LRRC7: variants seen among roughly 807,000 people sequenced by gnomAD.
LRRC7 encodes the protein leucine-rich repeat-containing protein 7.
In LRRC7, 23 loss-of-function variants were observed where a neutral mutation model predicts 175.7. The ratio of observed to expected loss-of-function variants is 0.13; its 90% CI spans 0.09 to 0.19. The LOEUF (loss-of-function observed/expected upper bound fraction) is 0.19. Among genes scored for constraint, LRRC7 ranks in the 10% least tolerant of loss-of-function variants. The pLI, the probability that LRRC7 is intolerant of heterozygous loss-of-function variation, is 1.00. For synonymous variants in LRRC7, 685 were observed against 680.9 expected, an observed-to-expected ratio of 1.01 and a Z score of -0.09; for missense variants, 1,354 against 1,904.7, an observed-to-expected ratio of 0.71 and a Z score of 5.38.
At chr1:69,880,778 A>C (rs1686519985) in intron 7 of LRRC7, among the ~76,000 whole-genome samples, 1 of 152,174 alleles carries the variant, frequency 6.6e-6, no homozygotes, top group African/African-American at 2.4e-5. Context: ...AAAAAGAAGA[A>C]GTTTTACAAA....
chr1:69,794,195 C>T (rs1260720187), intron 4 of LRRC7, among the ~76,000 whole-genome samples: 5 of 152,086 alleles, frequency 3.3e-5, no homozygotes, highest in Middle Eastern at 3.4e-3. Context: ...ACAGGGGACA[C>T]GGACCTCTTT....
intron 1 of LRRC7, among the ~76,000 whole-genome samples, chr1:69,604,612 G>C (rs565289885): frequency 6.6e-6 from 1 of 152,202 alleles, no homozygotes; most frequent in Non-Finnish European, 1.5e-5. Context: ...ATTGAGTTTT[G>C]ATGAAGGAAT....
chr1:69,594,651 A>G (rs1365406827), intron 1 of LRRC7, among the ~76,000 whole-genome samples: 5 of 152,118 alleles, frequency 3.3e-5, no homozygotes, highest in Admixed American at 3.3e-4. Flanking sequence ...CACTCACGCT[A>G]TTATCTTGTT....
chr1:70,045,501 G>A (rs17131157), intron 22 of LRRC7, among the ~76,000 whole-genome samples: 19,514 of 151,912 alleles, frequency 0.13, 1,723 homozygotes, highest in African/African-American at 0.24. Context: ...ATGTCCTCTC[G>A]GATGCCCAAG....
rs569494552 is a variant in LRRC7, at chr1:69,769,803, T to G, written c.303+9410T>G. Among the ~76,000 whole-genome samples, 5 of 152,190 alleles carry G rather than the reference T, an allele frequency of 3.3e-5. No homozygotes were observed. In the South Asian group the frequency reaches 6.2e-4, roughly 19 times the overall value. On this transcript the variant is annotated intron_variant, in intron 3 of 26. Transcript: ENST00000651989. ...AATAAAGACAAATATAACACTAAAA[T>G]AACAGAAAGTTCTTTTAGTTGCTTA...
intron 23 of LRRC7, among the ~76,000 whole-genome samples, chr1:70,059,365 A>AT (rs1405881926): frequency 2.2e-4 from 34 of 152,094 alleles, no homozygotes; most frequent in Admixed American, 2.2e-3. Context: ...CTTGCCTGTG[A>AT]TTTTCTCACA....
At chr1:69,594,246 C>T (rs769823665) in intron 1 of LRRC7, among the ~76,000 whole-genome samples, 14 of 152,138 alleles carry the variant, frequency 9.2e-5, no homozygotes, top group Non-Finnish European at 1.6e-4. Flanking sequence ...GTACGCCGCT[C>T]TTTATCCCCT....
At chr1:69,608,870 A>C (rs921833272) in intron 1 of LRRC7, among the ~76,000 whole-genome samples, 20 of 37,774 alleles carry the variant, frequency 5.3e-4, no homozygotes, top group African/African-American at 2.7e-3. Flanking sequence ...CTCTCTCTAT[A>C]TATATATATA....
chr1:69,748,491 A>T (rs928447859), intron 2 of LRRC7, among the ~76,000 whole-genome samples: 1 of 152,176 alleles, frequency 6.6e-6, no homozygotes, highest in Non-Finnish European at 1.5e-5. Flanking sequence ...AATGCTTCAC[A>T]TAAAGTGGAA....
intron 8 of LRRC7, among the ~76,000 whole-genome samples, chr1:69,968,083 A>T (rs1189447501): frequency 6.6e-6 from 1 of 152,128 alleles, no homozygotes; most frequent in Admixed American, 6.5e-5. Flanking sequence ...AGAAATATTC[A>T]ATGAAATAGA....
chr1:69,698,120 T>C (rs1662851686), intron 2 of LRRC7, among the ~76,000 whole-genome samples: 1 of 152,160 alleles, frequency 6.6e-6, no homozygotes, highest in African/African-American at 2.4e-5. Context: ...AACAAGTCTG[T>C]CCTCTCCAAC....
chr1:69,770,209 G>C (rs1455572488), intron 3 of LRRC7, among the ~76,000 whole-genome samples: 2 of 152,252 alleles, frequency 1.3e-5, no homozygotes, highest in Admixed American at 1.3e-4. Context: ...AATGCAACAA[G>C]GGGAAATGGA....
chr1:69,817,283 T>G (rs887612180), intron 4 of LRRC7, among the ~76,000 whole-genome samples: 4 of 151,958 alleles, frequency 2.6e-5, no homozygotes, highest in African/African-American at 9.7e-5. Flanking sequence ...TATATATAAG[T>G]CTTTAATCCA....
chr1:69,967,417 A>AC (rs1029202500), intron 8 of LRRC7, among the ~76,000 whole-genome samples: 69 of 152,136 alleles, frequency 4.5e-4, no homozygotes, highest in African/African-American at 1.6e-3. Context: ...CTAGGGCCCC[A>AC]CCCACCACCT....
chr1:69,989,241 C>T (rs767298645), intron 10 of LRRC7, among the ~76,000 whole-genome samples: 4 of 152,056 alleles, frequency 2.6e-5, no homozygotes, highest in South Asian at 2.1e-4. Context: ...GGTCAAAGGA[C>T]ACCAAGTTGC....
At chr1:69,588,419 A>G (rs980976352) in intron 1 of LRRC7, among the ~76,000 whole-genome samples, 13 of 152,228 alleles carry the variant, frequency 8.5e-5, no homozygotes, top group Non-Finnish European at 1.5e-4. Flanking sequence ...ATCATACTTT[A>G]TCAGGTATAA....
chr1:69,603,387 G>A (rs959442055), intron 1 of LRRC7, among the ~76,000 whole-genome samples: 4 of 152,164 alleles, frequency 2.6e-5, no homozygotes, highest in African/African-American at 9.7e-5. Flanking sequence ...TGGTGGTTGT[G>A]ATAAACAGAA....
intron 25 of LRRC7, among the ~76,000 whole-genome samples, chr1:70,092,952 T>C (rs1664137561): frequency 6.6e-6 from 1 of 152,156 alleles, no homozygotes; most frequent in Non-Finnish European, 1.5e-5. Context: ...GTTAAAGGGA[T>C]AGAGCACAAT....
intron 26 of LRRC7, among the ~76,000 whole-genome samples, chr1:70,116,949 G>T (rs74616461): frequency 1.3e-5 from 2 of 152,076 alleles, no homozygotes; most frequent in Non-Finnish European, 2.9e-5. Context: ...CACCATGAAG[G>T]CTTGCTCTTA....
Sources: allele counts gnomAD v4.1 joint callset (sites outside exome capture counted in the v4.1 genomes callset), GRCh38; gene constraint gnomAD v4.1.1; transcripts MANE v1.5; gene names NCBI Gene and HGNC (gene_info 2026-07-23, HGNC 2026-07-21).